The following ZBTB44 variants were observed in gnomAD, a reference collection of about 807,000 sequenced individuals.
ZBTB44 encodes the protein zinc finger and BTB domain-containing protein 44.
A neutral mutation model predicts 54.0 loss-of-function variants in ZBTB44; 15 were observed. The ratio of observed to expected loss-of-function variants is 0.28; its 90% CI spans 0.19 to 0.43. ZBTB44 has a LOEUF of 0.43. ZBTB44 is among the 20% of genes least tolerant of loss of function. The probability of loss-of-function intolerance (pLI) is 1.00; values close to 1 mark genes in which losing one functional copy is unlikely to be tolerated. For synonymous variants in ZBTB44, 230 were observed against 250.1 expected, an observed-to-expected ratio of 0.92 and a Z score of 0.76; for missense variants, 487 against 707.1, an observed-to-expected ratio of 0.69 and a Z score of 3.53.
chr11:130,296,610 G>A (rs1941668265), intron 1 of ZBTB44: 1 of 888,984 alleles, frequency 1.1e-6, no homozygotes, highest in Non-Finnish European at 1.9e-6. Context: ...GGCCTAAATG[G>A]GAGAAGACAT....
At chr11:130,250,911 C>CGAGG (rs748267627) in intron 2 of ZBTB44, among the ~76,000 whole-genome samples, 3 of 152,138 alleles carry the variant, frequency 2.0e-5, no homozygotes, top group East Asian at 1.9e-4. Context: ...TCCTCTCCAG[C>CGAGG]GAGGGCACAA....
At chr11:130,299,783 C>T (rs574098440) in intron 1 of ZBTB44, among the ~76,000 whole-genome samples, 33 of 152,208 alleles carry the variant, frequency 2.2e-4, no homozygotes, top group African/African-American at 7.9e-4. Context: ...TAGAAATTAC[C>T]ATATGATCCA....
chr11:130,286,024 T>C (rs1040231219), intron 1 of ZBTB44, among the ~76,000 whole-genome samples: 3 of 152,260 alleles, frequency 2.0e-5, no homozygotes, highest in South Asian at 2.1e-4. Flanking sequence ...ATATTCGATC[T>C]GTTCAAAGCA....
intron 1 of ZBTB44, among the ~76,000 whole-genome samples, chr11:130,263,424 T>C (rs1338632845): frequency 1.3e-5 from 2 of 152,234 alleles, no homozygotes; most frequent in African/African-American, 2.4e-5. Flanking sequence ...CCCAGGAGAC[T>C]AGCTTCTGCT....
At chr11:130,307,349 C>CTGGA (rs1565341094) in intron 1 of ZBTB44, among the ~76,000 whole-genome samples, 1 of 151,510 alleles carries the variant, frequency 6.6e-6, no homozygotes, top group Non-Finnish European at 1.5e-5. Context: ...GGCGTGAACC[C>CTGGA]AGGGGATGAA....
chr11:130,297,894 G>C (rs1338998923), intron 1 of ZBTB44, among the ~76,000 whole-genome samples: 1 of 152,144 alleles, frequency 6.6e-6, no homozygotes, highest in African/African-American at 2.4e-5. Flanking sequence ...ATTGTCAGAA[G>C]AGATAAAAGC....
intron 1 of ZBTB44, among the ~76,000 whole-genome samples, chr11:130,297,411 G>A (rs1941713997): frequency 6.6e-6 from 1 of 152,184 alleles, no homozygotes; most frequent in South Asian, 2.1e-4. Flanking sequence ...CAAGTACTGT[G>A]GCTTTCGCCA....
At chr11:130,313,539 C>A (rs946143102) in intron 1 of ZBTB44, among the ~76,000 whole-genome samples, 1 of 152,180 alleles carries the variant, frequency 6.6e-6, no homozygotes, top group Non-Finnish European at 1.5e-5. Context: ...AGAATTCCAA[C>A]TGAACACCTA....
intron 1 of ZBTB44, among the ~76,000 whole-genome samples, chr11:130,291,914 G>C (rs555788470): frequency 1.3e-5 from 2 of 150,880 alleles, no homozygotes; most frequent in African/African-American, 4.8e-5. Context: ...CACAATTTCT[G>C]TAAGTTTCTT....
chr11:130,312,947 AAGAC>A (rs1257867050), intron 1 of ZBTB44, among the ~76,000 whole-genome samples: 1 of 152,248 alleles, frequency 6.6e-6, no homozygotes, highest in Non-Finnish European at 1.5e-5. Flanking sequence ...CATACAGAGA[AAGAC>A]AGGAAACAAT....
intron 1 of ZBTB44, among the ~76,000 whole-genome samples, chr11:130,294,308 C>T (rs572198595): frequency 5.7e-4 from 87 of 151,682 alleles, no homozygotes; most frequent in Non-Finnish European, 9.3e-4. Context: ...ACTACTCAGG[C>T]GCCTGAGGCA....
In ZBTB44 at chr11:130,261,942, T is replaced by C. The variant is rs901686123; in HGVS notation, c.-56-13A>G. On this transcript the variant is annotated splice_polypyrimidine_tract_variant and intron_variant, in intron 1 of 7. Coordinates refer to ENST00000357899, the MANE Select transcript of ZBTB44 (RefSeq NM_001301098.2). The surrounding 1 kb of genome is among the most constrained non-coding windows in gnomAD (Gnocchi z 4.8). ...AATCAGAAATGTCCTAAAAAATACA[T>C]AAAATAAAGCATTAATTGATATTTT... 12 of 1,440,238 alleles carry C rather than the reference T, an allele frequency of 8.3e-6. No individual in the cohort carries two copies. The South Asian group carries it at 1.3e-4, about 16-fold the overall frequency. The allele number at this position is 1,440,238 out of a possible 1,614,324, so 89.2% of individuals were successfully genotyped here.
At chr11:130,246,155 C>T (rs527440144) in intron 2 of ZBTB44, among the ~76,000 whole-genome samples, 10 of 152,070 alleles carry the variant, frequency 6.6e-5, no homozygotes, top group Non-Finnish European at 1.5e-4. Flanking sequence ...CAACTATCAG[C>T]AAAAAATAAA....
At chr11:130,281,639 G>A (rs1186638275) in intron 1 of ZBTB44, among the ~76,000 whole-genome samples, 4 of 151,384 alleles carry the variant, frequency 2.6e-5, no homozygotes, top group South Asian at 2.1e-4. Context: ...CTGTCACCCC[G>A]GCTAGAGTGC....
chr11:130,298,732 G>C (rs528234138), intron 1 of ZBTB44, among the ~76,000 whole-genome samples: 2 of 150,720 alleles, frequency 1.3e-5, no homozygotes, highest in African/African-American at 2.4e-5. Flanking sequence ...CAAAGTGCTA[G>C]GATTACAGGC....
chr11:130,308,454 G>C (rs949951621), intron 1 of ZBTB44, among the ~76,000 whole-genome samples: 8 of 152,198 alleles, frequency 5.3e-5, no homozygotes, highest in African/African-American at 1.9e-4. Flanking sequence ...GCCACTTATT[G>C]TGATACTCTA....
At chr11:130,279,194 G>C (rs1259743601) in intron 1 of ZBTB44, among the ~76,000 whole-genome samples, 2 of 151,256 alleles carry the variant, frequency 1.3e-5, no homozygotes, top group Admixed American at 6.6e-5. Context: ...CTTGGATGTT[G>C]ATCCACAGAG....
chr11:130,269,802 C>T (rs78524656), intron 1 of ZBTB44, among the ~76,000 whole-genome samples: 1,969 of 152,034 alleles, frequency 0.013, 48 homozygotes, highest in African/African-American at 0.045. Flanking sequence ...TTTTTCTCAT[C>T]TGAAAAACAG....
intron 1 of ZBTB44, among the ~76,000 whole-genome samples, chr11:130,313,046 G>A (rs899764522): frequency 2.0e-5 from 3 of 152,044 alleles, no homozygotes; most frequent in African/African-American, 7.2e-5. Flanking sequence ...GATCACAATT[G>A]TATAGAACGA....
Sources: gnomAD v4.1 joint callset for allele counts (sites outside exome capture counted in the v4.1 genomes callset) on GRCh38, gnomAD v4.1.1 for gene constraint, Gnocchi (gnomAD v3.1) non-coding constraint, MANE v1.5 for transcripts, NCBI Gene and HGNC (gene_info 2026-07-23, HGNC 2026-07-21) for gene names.